Variants in LCN10 observed in about 807,000 individuals in gnomAD.
LCN10 encodes the protein epididymal-specific lipocalin-10.
LCN10 carries 18 observed loss-of-function variants against 25.1 expected under a neutral mutation model. That is an observed-to-expected ratio of 0.72 (90% CI 0.50 to 1.06). The LOEUF is 1.06. LCN10 is among the 50% of genes least tolerant of loss of function. LCN10 has a pLI of 0.00. For synonymous variants in LCN10, 130 were observed against 116.7 expected (o/e 1.11, Z -0.73); for missense variants, 257 against 258.9 (o/e 0.99, Z 0.05).
chr9:136,739,415 G>T lies in LCN10; in HGVS notation c.*110C>A. ...ATTTTCACACTGTCAATGACCTAGA[G>T]TCACCAAACACCTCTCAACAAGCCG... is the stretch of plus-strand genomic sequence containing the variant. On this transcript the variant is annotated 3_prime_UTR_variant, in exon 6 of 6. Transcript: ENST00000497771. The surrounding 1 kb of genome is among the most constrained non-coding windows in gnomAD (Gnocchi z 6.1). 8.6e-7 allele frequency: 1 copy of T among 1,168,266 alleles called. No individual in the cohort carries two copies. The allele number at this position is 1,168,266 out of a possible 1,614,324, so 72.4% of individuals were successfully genotyped here. A position where few individuals can be genotyped will look rare whatever the true frequency, so the allele number is the denominator to read the frequency against.
intron 2 of LCN10, 96 bp downstream of exon 2, chr9:136,741,785 A>G (rs1390666091): frequency 1.4e-6 from 2 of 1,449,306 alleles, no homozygotes; most frequent in Admixed American, 2.4e-5. Context: ...TGGAACTTCC[A>G]GACAGACAGG....
chr9:136,741,842 G>C, intron 2 of LCN10, 39 bp downstream of exon 2: 1 of 1,569,454 alleles, frequency 6.4e-7, no homozygotes, highest in Non-Finnish European at 8.6e-7. Flanking sequence ...CCTCCTCCTG[G>C]AAGGGGAGAC....
Position 136,740,257 on chromosome 9 carries a change from C to G in LCN10, c.476-209G>C. The G allele has an allele frequency of 1.7e-6, 1 of 590,836 alleles. No homozygotes were observed. Among genetic ancestry groups the G allele is most frequent in the Non-Finnish European group, 3.1e-6 (1 of 325,688 alleles). 36.6% of individuals were successfully genotyped at this position (590,836 alleles called of 1,614,324 possible). A position where few individuals can be genotyped will look rare whatever the true frequency, so the allele number is the denominator to read the frequency against. On this transcript the variant is annotated intron_variant, in intron 4 of 5. Coordinates refer to ENST00000497771, the MANE Select transcript of LCN10 (RefSeq NM_001001712.3). This position sits in a 1 kb window ranked among gnomAD's most constrained non-coding sequence, Gnocchi z 5.3. ...CGGGAAGCCAGGGTCACCACGCTGT[C>G]ACCTGGGGAACCCTCTCTGCCTGCA...
Position 136,742,829 on chromosome 9 carries a change from C to T in LCN10, c.75G>A (p.Gln25=), listed in dbSNP as rs759185196. 12 of 1,613,600 alleles carry T rather than the reference C, an allele frequency of 7.4e-6. No homozygotes were observed. Among genetic ancestry groups the T allele is most frequent in the Non-Finnish European group, 1.0e-5 (12 of 1,179,812 alleles). ...VLVLAAGSQV[Q]EWYPRESHAL... is the part of the protein sequence containing the mutation. ...CGTGGGACTCCCTGGGGTACCACTC[C>T]TGCACCTGGGACCCTGCAGCCAGCA... is the stretch of plus-strand genomic sequence containing the variant. Residue 25 remains glutamine (Q), a synonymous_variant, in exon 1 of 6, where the codon CAG becomes CAA. Coordinates refer to ENST00000497771, the MANE Select transcript of LCN10 (RefSeq NM_001001712.3).
intron 1 of LCN10, 23 bp downstream of exon 1, chr9:136,742,763 AG>A (rs764834501): frequency 1.9e-6 from 3 of 1,612,306 alleles, no homozygotes; most frequent in Non-Finnish European, 1.7e-6. Flanking sequence ...CGCCCGGCTC[AG>A]GGACCAGTGG....
rs767976228 is a variant in LCN10, at chr9:136,740,948, AAG to A, written c.368-7_368-6del. Reference sequence around the variant, plus strand: ...GGAAGGCCTTCACCCCTTTCACTGAAAGAGATGCCCAGAGATGCCCGCTGGTT... The same window carrying A: ...GGAAGGCCTTCACCCCTTTCACTGAAAGATGCCCAGAGATGCCCGCTGGTT... On this transcript the variant is annotated splice_region_variant and splice_polypyrimidine_tract_variant and intron_variant, in intron 3 of 5. Coordinates refer to ENST00000497771, the MANE Select transcript of LCN10 (RefSeq NM_001001712.3). This position sits in a 1 kb window ranked among gnomAD's most constrained non-coding sequence, Gnocchi z 5.3. 1 of 1,610,722 alleles carries A rather than the reference AAG, an allele frequency of 6.2e-7. No individual in the cohort carries two copies. The highest frequency in any genetic ancestry group is 8.5e-7 in the Non-Finnish European group (1 of 1,177,180).
At position 136,740,466 on chromosome 9, in the gene LCN10, G is replaced by A. The variant is rs1035824920; in HGVS notation, c.475+370C>T. On this transcript the variant is annotated intron_variant, in intron 4 of 5. Transcript: ENST00000497771. The surrounding 1 kb of genome is among the most constrained non-coding windows in gnomAD (Gnocchi z 5.3). Reference sequence around the variant, plus strand: ...GGGTTTGTGGCCCTTAACCCACACTGGGTCACTTCCACACCCCTCCATCCC... The same window carrying A: ...GGGTTTGTGGCCCTTAACCCACACTAGGTCACTTCCACACCCCTCCATCCC... The A allele has an allele frequency of 2.3e-5, 10 of 435,058 alleles. No homozygotes were observed. The highest frequency in any genetic ancestry group is 6.5e-4 in the Middle Eastern group (1 of 1,544). The allele number at this position is 435,058 out of a possible 1,614,324, so 26.9% of individuals were successfully genotyped here.
Position 136,739,483 on chromosome 9 carries a change from G to A in LCN10, c.*42C>T. 1 of 1,576,420 alleles carries A rather than the reference G, an allele frequency of 6.3e-7. No individual in the cohort carries two copies. The highest frequency in any genetic ancestry group is 1.2e-5 in the South Asian group (1 of 85,632). On this transcript the variant is annotated 3_prime_UTR_variant, in exon 6 of 6. Coordinates refer to ENST00000497771, the MANE Select transcript of LCN10 (RefSeq NM_001001712.3). The surrounding 1 kb of genome is among the most constrained non-coding windows in gnomAD (Gnocchi z 6.1). ...CTGGAACAACGCTCCTCGGGTCTGG[G>A]AGGACCACGCGTCGAAAGGGAAGAG...
chr9:136,739,755 C>T lies in LCN10; in HGVS notation c.574+195G>A, dbSNP rs1488748170. 13 of 737,934 alleles carry T rather than the reference C, an allele frequency of 1.8e-5. No homozygotes were observed. In the Middle Eastern group the frequency reaches 7.0e-4, roughly 40 times the overall value. The allele number at this position is 737,934 out of a possible 1,614,324, so 45.7% of individuals were successfully genotyped here. ...TGCAGCATCTGCTCCGGACGCCTCT[C>T]GCTGTCGGTGCCAGGCCTGCCAGGC... On this transcript the variant is annotated intron_variant, in intron 5 of 5. Coordinates refer to ENST00000497771, the MANE Select transcript of LCN10 (RefSeq NM_001001712.3). The surrounding 1 kb of genome is among the most constrained non-coding windows in gnomAD (Gnocchi z 6.1).
At chr9:136,742,617 C>T (rs1251538222) in intron 1 of LCN10, 170 bp downstream of exon 1, 2 of 819,584 alleles carry the variant, frequency 2.4e-6, no homozygotes, top group East Asian at 2.8e-5. Context: ...TGCCCTGCAA[C>T]TTGCGGGGCC....
At chr9:136,741,150 G>A (rs930526578) in intron 3 of LCN10, 102 bp downstream of exon 3, 13 of 1,139,326 alleles carry the variant, frequency 1.1e-5, no homozygotes, top group South Asian at 2.8e-5. Context: ...CCAGCCTGAC[G>A]CCTGCCTGCC....
Position 136,740,221 on chromosome 9 carries a change from G to A in LCN10, c.476-173C>T. ...CGCTGGGCCCCTCCCCACTTACGAGGCAGCCAGGCTCGGGAAGCCAGGGTC... is the reference window on the plus strand; with the variant it reads ...CGCTGGGCCCCTCCCCACTTACGAGACAGCCAGGCTCGGGAAGCCAGGGTC... On this transcript the variant is annotated intron_variant, in intron 4 of 5. Transcript: ENST00000497771. The surrounding 1 kb of genome is among the most constrained non-coding windows in gnomAD (Gnocchi z 5.3). 1 of 623,686 alleles carries A rather than the reference G, an allele frequency of 1.6e-6. No homozygotes were observed. The highest frequency in any genetic ancestry group is 2.9e-6 in the Non-Finnish European group (1 of 342,940). The allele number at this position is 623,686 out of a possible 1,614,324, so 38.6% of individuals were successfully genotyped here.
chr9:136,741,485 G>A (rs1167528399), intron 2 of LCN10, 124 bp from the exon 3 acceptor site: 4 of 740,424 alleles, frequency 5.4e-6, no homozygotes, highest in East Asian at 2.7e-5. Flanking sequence ...GAAGGTTGGG[G>A]CCCCAGGTCC....
In LCN10 at chr9:136,740,807, A is replaced by ATTC; in HGVS notation, c.475+28_475+29insGAA. ...TGCCTCCCTCTGCACCCCCTCCACC[A>ATTC]TCCTCTGCCATCCGCTGTGCCTGCT... On this transcript the variant is annotated intron_variant, in intron 4 of 5. Transcript: ENST00000497771. The surrounding 1 kb of genome is among the most constrained non-coding windows in gnomAD (Gnocchi z 5.3). 6.4e-7 allele frequency: 1 copy of ATTC among 1,554,930 alleles called. No homozygotes were observed. Among genetic ancestry groups the ATTC allele is most frequent in the Non-Finnish European group, 8.7e-7 (1 of 1,144,008 alleles).
At chr9:136,742,311 G>A (rs551369476) in intron 1 of LCN10, 2 of 462,530 alleles carry the variant, frequency 4.3e-6, no homozygotes, top group South Asian at 2.8e-5. Flanking sequence ...TTCCCACATG[G>A]CCTCCTGGGG....
chr9:136,739,028 A>G lies in LCN10; in HGVS notation c.*497T>C, dbSNP rs535183164. ...GTTGGCTTCTCCTGATCAGGCATCA[A>G]CTCTGGGACTGCGTTTGCCGATTCT... On this transcript the variant is annotated 3_prime_UTR_variant, in exon 6 of 6. Transcript: ENST00000497771. This position sits in a 1 kb window ranked among gnomAD's most constrained non-coding sequence, Gnocchi z 6.1. The G allele has an allele frequency of 5.5e-4, 107 of 194,210 alleles. No individual in the cohort carries two copies. Among genetic ancestry groups the G allele is most frequent in the Non-Finnish European group, 5.0e-4 (47 of 93,418 alleles). 12.0% of individuals were successfully genotyped at this position (194,210 alleles called of 1,614,324 possible). A position where few individuals can be genotyped will look rare whatever the true frequency, so the allele number is the denominator to read the frequency against.
chr9:136,740,228 G>C lies in LCN10; in HGVS notation c.476-180C>G. 1.6e-6 allele frequency: 1 copy of C among 615,988 alleles called. No homozygotes were observed. The highest frequency in any genetic ancestry group is 3.0e-6 in the Non-Finnish European group (1 of 338,932). 38.2% of individuals were successfully genotyped at this position (615,988 alleles called of 1,614,324 possible). A position where few individuals can be genotyped will look rare whatever the true frequency, so the allele number is the denominator to read the frequency against. ...CCCCTCCCCACTTACGAGGCAGCCA[G>C]GCTCGGGAAGCCAGGGTCACCACGC... On this transcript the variant is annotated intron_variant, in intron 4 of 5. Transcript: ENST00000497771. The surrounding 1 kb of genome is among the most constrained non-coding windows in gnomAD (Gnocchi z 5.3).
Position 136,740,635 on chromosome 9 carries a change from A to C in LCN10, c.475+201T>G. 2 of 556,022 alleles carry C rather than the reference A, an allele frequency of 3.6e-6. No individual in the cohort carries two copies. The highest frequency in any genetic ancestry group is 2.5e-5 in the South Asian group (1 of 39,976). 34.4% of individuals were successfully genotyped at this position (556,022 alleles called of 1,614,324 possible). A position where few individuals can be genotyped will look rare whatever the true frequency, so the allele number is the denominator to read the frequency against. ...CACCTTTCTCTGCAGCCTCTTCCTG[A>C]CGTCCCCTATCCTTGCTTCAGCGAC... is the stretch of plus-strand genomic sequence containing the variant. On this transcript the variant is annotated intron_variant, in intron 4 of 5. Coordinates refer to ENST00000497771, the MANE Select transcript of LCN10 (RefSeq NM_001001712.3). This position sits in a 1 kb window ranked among gnomAD's most constrained non-coding sequence, Gnocchi z 5.3.
chr9:136,739,423 A>T lies in LCN10; in HGVS notation c.*102T>A. The T allele has an allele frequency of 2.4e-6, 3 of 1,270,340 alleles. No individual in the cohort carries two copies. In the South Asian group the frequency reaches 3.8e-5, roughly 16 times the overall value. The allele number at this position is 1,270,340 out of a possible 1,614,324, so 78.7% of individuals were successfully genotyped here. ...ACTGTCAATGACCTAGAGTCACCAA[A>T]CACCTCTCAACAAGCCGTGGTCTCC... On this transcript the variant is annotated 3_prime_UTR_variant, in exon 6 of 6. Coordinates refer to ENST00000497771, the MANE Select transcript of LCN10 (RefSeq NM_001001712.3). The surrounding 1 kb of genome is among the most constrained non-coding windows in gnomAD (Gnocchi z 6.1).
Sources: allele counts gnomAD v4.1 joint callset, GRCh38; gene constraint gnomAD v4.1.1; non-coding constraint Gnocchi (gnomAD v3.1); transcripts MANE v1.5; gene names NCBI Gene and HGNC (gene_info 2026-07-23, HGNC 2026-07-21).